MSH6: variants seen among roughly 807,000 people sequenced by gnomAD.
MSH6 encodes DNA mismatch repair protein Msh6.
Under a neutral mutation model 119.1 loss-of-function variants are expected in MSH6, and 85 were observed. That is an observed-to-expected ratio of 0.71 (90% CI 0.60 to 0.85). The LOEUF (loss-of-function observed/expected upper bound fraction) is 0.85. Ranked by LOEUF, MSH6 falls within the 40% of genes least tolerant of loss-of-function variation. The pLI, the probability that MSH6 is intolerant of heterozygous loss-of-function variation, is 0.00. For missense variants in MSH6, 2,163 were observed against 1,655.3 expected (o/e 1.31, Z -5.32); for synonymous variants, 830 against 586.9 (o/e 1.41, Z -5.99).
rs767861096 is a variant in MSH6 at position 47,800,163 on chromosome 2, C to A, written c.2180C>A (p.Thr727Asn). 1 of 1,614,142 alleles carries A rather than the reference C, an allele frequency of 6.2e-7. No homozygotes were observed. The highest frequency in any genetic ancestry group is 1.1e-5 in the South Asian group (1 of 91,082). Reference sequence around the variant, plus strand: ...ACTACAAGATCTGGTGCTATCTTCACCAAAGCCTATCAACGAATGGTGCTA... The same window carrying A: ...ACTACAAGATCTGGTGCTATCTTCAACAAAGCCTATCAACGAATGGTGCTA... ...VSTTRSGAIFTKAYQRMVLDA... is the reference protein window; with the variant it reads ...VSTTRSGAIFNKAYQRMVLDA... Residue 727 changes from threonine to asparagine, a missense_variant, in exon 4 of 10, where the codon ACC becomes AAC. Physicochemically the swap from Thr to Asn is moderately conservative, Grantham distance 65. Coordinates refer to ENST00000234420, the MANE Select transcript of MSH6 (RefSeq NM_000179.3).
At chr2:47,805,336 C>G (rs946591644) in intron 6 of MSH6, among the ~76,000 whole-genome samples, 1 of 152,068 alleles carries the variant, frequency 6.6e-6, no homozygotes, top group Non-Finnish European at 1.5e-5. Context: ...CATGCCATCA[C>G]GCCCAGCTAA....
chr2:47,808,998 C>A (rs1425367700), downstream of MSH6: 1 of 530,800 alleles, frequency 1.9e-6, no homozygotes, highest in Non-Finnish European at 3.3e-6. Context: ...CGCCTACCCA[C>A]AGTTACAGTC....
At chr2:47,806,714 AG>A in intron 9 of MSH6, 63 bp downstream of exon 9, 1 of 1,573,764 alleles carries the variant, frequency 6.4e-7, no homozygotes, top group Non-Finnish European at 8.7e-7. Flanking sequence ...AAACAGTAAA[AG>A]GGGAAGGGAT....
At chr2:47,804,810 TTA>T (rs1491578082) in intron 5 of MSH6, 98 bp from the exon 6 acceptor site, 1 of 884,640 alleles carries the variant, frequency 1.1e-6, no homozygotes. Context: ...GAAAGTTGTT[TTA>T]GAGTGCCTAG....
chr2:47,790,350 G>A (rs534992807), intron 1 of MSH6, among the ~76,000 whole-genome samples: 2 of 152,186 alleles, frequency 1.3e-5, no homozygotes, highest in African/African-American at 4.8e-5. Flanking sequence ...CTTGAACCGG[G>A]GAGGCACGTT....
chr2:47,796,506 T>C (rs1330507054), intron 3 of MSH6, among the ~76,000 whole-genome samples: 1 of 152,234 alleles, frequency 6.6e-6, no homozygotes, highest in Admixed American at 6.5e-5. Flanking sequence ...CCTCCCAAAG[T>C]GTTGGGATTA....
In MSH6 at chr2:47,806,699, C is replaced by CCTAACTGACCTTAAGTTTCAA. The variant is rs1553333848; in HGVS notation, c.4001+48_4001+49insCTAACTGACCTTAAGTTTCAA. On this transcript the variant is annotated intron_variant, in intron 9 of 9. Transcript: ENST00000234420. Reference sequence around the variant, plus strand: ...ATTATAACTAACTGACCTTAAGTTTCAAAGAAACAGTAAAAGGGGAAGGGA... The same window carrying CCTAACTGACCTTAAGTTTCAA: ...ATTATAACTAACTGACCTTAAGTTTCCTAACTGACCTTAAGTTTCAAAAAGAAACAGTAAAAGGGGAAGGGA... 1,342 of 1,571,500 alleles carry CCTAACTGACCTTAAGTTTCAA rather than the reference C, an allele frequency of 8.5e-4. 11 individuals carry two copies. The African/African-American group carries it at 0.016, about 19-fold the overall frequency.
intron 1 of MSH6, chr2:47,789,169 C>G (rs3136266): frequency 1.4e-5 from 3 of 211,300 alleles, no homozygotes; most frequent in South Asian, 1.3e-4. Context: ...CGTGATCCAC[C>G]TGCCTTGGCC....
At chr2:47,794,430 C>A (rs565751520) in intron 2 of MSH6, among the ~76,000 whole-genome samples, 1 of 151,824 alleles carries the variant, frequency 6.6e-6, no homozygotes, top group Non-Finnish European at 1.5e-5. Flanking sequence ...CACCACCACA[C>A]CTGGCTAATT....
In MSH6 at chr2:47,798,784, A is replaced by C. The variant is rs1453889992; in HGVS notation, c.801A>C (p.Pro267=). 3 of 1,614,064 alleles carry C rather than the reference A, an allele frequency of 1.9e-6. No homozygotes were observed. Among genetic ancestry groups the C allele is most frequent in the East Asian group, 4.5e-5 (2 of 44,898 alleles). The part of the protein sequence containing the change: ...DIGGSDVEFK[P]DTKEEGSSDE... ...GTGGCTCTGATGTGGAATTTAAGCC[A>C]GACACTAAGGAGGAAGGAAGCAGTG... Residue 267 remains proline, a synonymous_variant, in exon 4 of 10, where the codon CCA becomes CCC. Coordinates refer to ENST00000234420, the MANE Select transcript of MSH6 (RefSeq NM_000179.3).
chr2:47,790,801 T>C, intron 1 of MSH6, 126 bp from the exon 2 acceptor site: 2 of 854,058 alleles, frequency 2.3e-6, no homozygotes, highest in Non-Finnish European at 3.8e-6. Flanking sequence ...ACTTTAAAAA[T>C]TATTCTAGAA....
Position 47,783,376 on chromosome 2 carries a change from C to G in MSH6, c.143C>G (p.Ala48Gly), listed in dbSNP as rs876658278. The G allele has an allele frequency of 6.3e-7, 1 of 1,593,390 alleles. No individual in the cohort carries two copies. Among genetic ancestry groups the G allele is most frequent in the Non-Finnish European group, 8.5e-7 (1 of 1,169,968 alleles). ...GCCTCTCCTTCCCCAGGCGGGGATG[C>G]GGCCTGGAGCGAGGCTGGGCCTGGG... ...PGASPSPGGDAAWSEAGPGPR... is the reference protein window; with the variant it reads ...PGASPSPGGDGAWSEAGPGPR... The change falls in exon 1 of 10, where the codon GCG (alanine) becomes GGG (glycine). Residue 48 changes from alanine to glycine, a missense_variant. Transcript: ENST00000234420.
chr2:47,788,246 C>CTTTTTTTTTTT lies in MSH6; in HGVS notation c.261-2665_261-2655dup, dbSNP rs560110301. Among the ~76,000 whole-genome samples the CTTTTTTTTTTT allele has an allele frequency of 1.3e-3, 117 of 90,064 alleles. 3 individuals carry two copies. The highest frequency in any genetic ancestry group is 8.1e-3 in the Middle Eastern group (1 of 124). The allele number at this position is 90,064 out of a possible 152,430, so 59.1% of individuals were successfully genotyped here. ...ATTTCTTTTCTTTCATTCTTTCTTT[C>CTTTTTTTTTTT]TTTTTTTTTTTTTTTTTTTTTTTTT... is the stretch of plus-strand genomic sequence containing the variant. On this transcript the variant is annotated intron_variant, in intron 1 of 9. Coordinates refer to ENST00000234420, the MANE Select transcript of MSH6 (RefSeq NM_000179.3).
At chr2:47,808,227 G>A (rs1670358755), downstream of MSH6, 1 of 1,613,274 alleles carries the variant, frequency 6.2e-7, no homozygotes, top group Non-Finnish European at 8.5e-7. Flanking sequence ...CAGTGTTCCA[G>A]CACCACAGTC....
downstream of MSH6, chr2:47,808,837 A>G (rs2104617903): frequency 3.8e-6 from 1 of 264,916 alleles, no homozygotes; most frequent in East Asian, 7.9e-5. Flanking sequence ...CAGTTACTGT[A>G]GCATTAGGTT....
chr2:47,805,054 T>C (rs1235475617), intron 6 of MSH6, 27 bp downstream of exon 6: 1 of 1,408,054 alleles, frequency 7.1e-7, no homozygotes, highest in East Asian at 2.3e-5. Context: ...CCACTTAAGT[T>C]CTCATTCAGT....
intron 4 of MSH6, 57 bp from the exon 5 acceptor site, chr2:47,803,363 T>G: frequency 6.2e-7 from 1 of 1,611,528 alleles, no homozygotes. Flanking sequence ...TATAAAACAC[T>G]TAGGCTGATA....
chr2:47,806,111 G>A (rs1296283077), intron 7 of MSH6, 93 bp from the exon 8 acceptor site: 18 of 1,217,902 alleles, frequency 1.5e-5, no homozygotes, highest in South Asian at 5.0e-5. Flanking sequence ...TGTACTAACC[G>A]ATGTTGCTTT....
intron 4 of MSH6, 75 bp downstream of exon 4, chr2:47,801,230 ATAAG>A (rs1558668521): frequency 2.7e-6 from 4 of 1,462,566 alleles, no homozygotes; most frequent in South Asian, 2.3e-5. Flanking sequence ...ATCCCTAAAA[ATAAG>A]TAATAAGGTA....
Sources: allele counts gnomAD v4.1 joint callset (sites outside exome capture counted in the v4.1 genomes callset), GRCh38; gene constraint gnomAD v4.1.1; transcripts MANE v1.5; gene names NCBI Gene and HGNC (gene_info 2026-07-23, HGNC 2026-07-21).